Variants in MYO5B observed in about 807,000 individuals in gnomAD.
MYO5B encodes the protein unconventional myosin-Vb.
MYO5B carries 143 observed loss-of-function variants against 229.3 expected under a neutral mutation model. The observed-to-expected ratio is 0.62, with a 90% CI of 0.54 to 0.72. MYO5B has a LOEUF of 0.72. MYO5B is among the 30% of genes least tolerant of loss of function. MYO5B has a pLI of 0.00. For missense variants in MYO5B, 2,321 were observed against 2,331.0 expected, an observed-to-expected ratio of 1.00 and a Z score of 0.09; for synonymous variants, 918 against 885.2, an observed-to-expected ratio of 1.04 and a Z score of -0.66.
intron 1 of MYO5B, among the ~76,000 whole-genome samples, chr18:50,174,824 CT>C (rs1432435947): frequency 6.6e-6 from 1 of 152,140 alleles, no homozygotes; most frequent in Non-Finnish European, 1.5e-5. Context: ...TACATAGGTG[CT>C]AGTGATTTGC....
At chr18:49,927,305 T>C (rs1287671559) in intron 17 of MYO5B, among the ~76,000 whole-genome samples, 4 of 150,324 alleles carry the variant, frequency 2.7e-5, no homozygotes, top group African/African-American at 4.9e-5. Flanking sequence ...CCAAAAGCCA[T>C]CTACAAATTC....
Position 50,042,384 on chromosome 18 carries a change from C to T in MYO5B, c.139-2070G>A, listed in dbSNP as rs567371662. Among the ~76,000 whole-genome samples the T allele has an allele frequency of 4.6e-5, 7 of 152,096 alleles. No homozygotes were observed. The South Asian group carries it at 8.3e-4, about 18-fold the overall frequency. On this transcript the variant is annotated intron_variant, in intron 2 of 39. Transcript: ENST00000285039. ...CTGTTTTAAAGGCTAGATGGATGAC[C>T]GTGCAAAATATCATTGGTTATCTTT...
chr18:50,044,607 G>C (rs906575462), intron 2 of MYO5B, among the ~76,000 whole-genome samples: 1 of 152,116 alleles, frequency 6.6e-6, no homozygotes, highest in Admixed American at 6.6e-5. Flanking sequence ...AGGAGGCCTA[G>C]AGTAGGAACT....
chr18:50,118,592 G>A (rs1343112675), intron 1 of MYO5B, among the ~76,000 whole-genome samples: 1 of 148,620 alleles, frequency 6.7e-6, no homozygotes, highest in Non-Finnish European at 1.5e-5. Flanking sequence ...GTGCAGGTTT[G>A]TTACATATGT....
At chr18:50,007,423 G>A (rs2026113860) in intron 4 of MYO5B, among the ~76,000 whole-genome samples, 2 of 152,254 alleles carry the variant, frequency 1.3e-5, no homozygotes, top group Non-Finnish European at 1.5e-5. Context: ...TTTCCAGCCT[G>A]TACTCTCCTC....
intron 14 of MYO5B, among the ~76,000 whole-genome samples, chr18:49,940,534 C>G (rs2025302589): frequency 6.6e-6 from 1 of 152,152 alleles, no homozygotes; most frequent in South Asian, 2.1e-4. Context: ...GCAACCTGAC[C>G]TCACTTAAGG....
intron 1 of MYO5B, among the ~76,000 whole-genome samples, chr18:50,077,095 T>C (rs16951453): frequency 0.26 from 38,435 of 149,714 alleles, 5,702 homozygotes; most frequent in African/African-American, 0.41. Flanking sequence ...AATGTCTTCG[T>C]TTTTAAGAAA....
chr18:50,110,463 G>A (rs971855779), intron 1 of MYO5B, among the ~76,000 whole-genome samples: 1 of 152,040 alleles, frequency 6.6e-6, no homozygotes, highest in Non-Finnish European at 1.5e-5. Flanking sequence ...AAGAAAGTGG[G>A]GTACTTGGTT....
rs950314193 is a variant in MYO5B at position 50,127,181 on chromosome 18, G to T, written c.27+67586C>A. Among the ~76,000 whole-genome samples the T allele has an allele frequency of 2.0e-5, 3 of 152,178 alleles. No homozygotes were observed. In the South Asian group the frequency reaches 6.2e-4, roughly 32 times the overall value. ...AGCCCCCTACTCTTCCCACCACACT[G>T]TGGCACTTACGATAATTCAAAAGCA... is the stretch of plus-strand genomic sequence containing the variant. On this transcript the variant is annotated intron_variant, in intron 1 of 39. Coordinates refer to ENST00000285039, the MANE Select transcript of MYO5B (RefSeq NM_001080467.3).
At chr18:49,864,482 C>T (rs764181983) in intron 27 of MYO5B, 102 bp from the exon 28 acceptor site, 70 of 1,522,268 alleles carry the variant, frequency 4.6e-5, no homozygotes, top group Non-Finnish European at 5.6e-5. Flanking sequence ...TGGGAAACTT[C>T]GCTCTTTAAA....
At position 49,840,046 on chromosome 18, in the gene MYO5B, A is replaced by T; in HGVS notation, c.4702-752T>A. The T allele has an allele frequency of 1.3e-5, 2 of 153,332 alleles. 1 individual carries two copies. 9.5% of individuals were successfully genotyped at this position (153,332 alleles called of 1,614,324 possible). ...AAAGGGGATAATTGTAATGATGAAG[A>T]TAGAGTCAATCATTCTTCCTTGTTA... On this transcript the variant is annotated intron_variant, in intron 35 of 39. Transcript: ENST00000285039.
chr18:50,052,255 C>T (rs1329236243), intron 2 of MYO5B, among the ~76,000 whole-genome samples: 4 of 151,944 alleles, frequency 2.6e-5, no homozygotes, highest in Admixed American at 1.3e-4. Flanking sequence ...CACATGCAAA[C>T]GTATGTTTAC....
intron 9 of MYO5B, among the ~76,000 whole-genome samples, chr18:49,975,874 G>T (rs1568055272): frequency 6.6e-6 from 1 of 152,142 alleles, no homozygotes; most frequent in Non-Finnish European, 1.5e-5. Flanking sequence ...TGTGAGTCTT[G>T]ACCCTCATTT....
rs776420823 is a variant in MYO5B, at chr18:49,992,441, C to T, written c.613-10G>A. Reference sequence around the variant, plus strand: ...TGGCATTTCCAATGGCCTGCACAGACCAGACAGACAAAGGTATGAAAAAAA... The same window carrying T: ...TGGCATTTCCAATGGCCTGCACAGATCAGACAGACAAAGGTATGAAAAAAA... On this transcript the variant is annotated splice_polypyrimidine_tract_variant and intron_variant, in intron 5 of 39. Transcript: ENST00000285039. The T allele has an allele frequency of 4.3e-6, 7 of 1,613,944 alleles. No individual in the cohort carries two copies. Among genetic ancestry groups the T allele is most frequent in the Admixed American group, 1.7e-5 (1 of 59,994 alleles).
chr18:50,011,630 C>T (rs1183741197), intron 4 of MYO5B, among the ~76,000 whole-genome samples: 1 of 151,982 alleles, frequency 6.6e-6, no homozygotes, highest in Non-Finnish European at 1.5e-5. Context: ...CCTTTCTCTC[C>T]TTTACTGCTT....
rs369304806 is a variant in MYO5B at position 49,953,268 on chromosome 18, C to T, written c.1744G>A (p.Ala582Thr). The T allele has an allele frequency of 1.1e-5, 17 of 1,614,098 alleles. No homozygotes were observed. Among genetic ancestry groups the T allele is most frequent in the Non-Finnish European group, 1.3e-5 (15 of 1,179,982 alleles). ...VYEEQINILK[A>T]SKFPLVADLF... ...CTTCTGACACTCTTTACCTTGCTGGCCTTCAGGATATTGATCTGCTCTTCA... is the reference window on the plus strand; with the variant it reads ...CTTCTGACACTCTTTACCTTGCTGGTCTTCAGGATATTGATCTGCTCTTCA... Residue 582 changes from alanine (A) to threonine (T), a missense_variant, in exon 14 of 40, where the codon GCC (alanine) becomes ACC (threonine). Transcript: ENST00000285039.
chr18:50,098,038 C>A (rs777276897), intron 1 of MYO5B, among the ~76,000 whole-genome samples: 7 of 152,214 alleles, frequency 4.6e-5, no homozygotes, highest in African/African-American at 1.7e-4. Context: ...ACCAACTTCT[C>A]ACACCCTGAA....
intron 1 of MYO5B, among the ~76,000 whole-genome samples, chr18:50,077,484 A>AAC (rs67439768): frequency 3.8e-4 from 41 of 108,262 alleles, no homozygotes; most frequent in East Asian, 1.4e-3. Context: ...ATCAAGGCAA[A>AAC]ACACACACAC....
intron 27 of MYO5B, among the ~76,000 whole-genome samples, chr18:49,864,968 T>C (rs1392722930): frequency 1.3e-5 from 2 of 152,160 alleles, no homozygotes; most frequent in Non-Finnish European, 1.5e-5. Flanking sequence ...ACATACAGAA[T>C]TGAATGTGCT....
Sources: gnomAD v4.1 joint callset for allele counts (sites outside exome capture counted in the v4.1 genomes callset) on GRCh38, gnomAD v4.1.1 for gene constraint, MANE v1.5 for transcripts, NCBI Gene and HGNC (gene_info 2026-07-23, HGNC 2026-07-21) for gene names.